KLHL32: variants seen among roughly 807,000 people sequenced by gnomAD.
KLHL32 encodes kelch like family member 32.
A neutral mutation model predicts 64.8 loss-of-function variants in KLHL32; 35 were observed. That is an observed-to-expected ratio of 0.54 (90% CI 0.41 to 0.72). The LOEUF is 0.72. Ranked by LOEUF, KLHL32 falls within the 30% of genes least tolerant of loss-of-function variation. The probability of loss-of-function intolerance (pLI) is 0.00; values close to 1 mark genes in which losing one functional copy is unlikely to be tolerated. For synonymous variants in KLHL32, 259 were observed against 281.0 expected (o/e 0.92, Z 0.78); for missense variants, 589 against 768.5 (o/e 0.77, Z 2.76).
chr6:97,130,980 A>G (rs965931313), intron 9 of KLHL32, 31 bp downstream of exon 9: 1 of 1,587,314 alleles, frequency 6.3e-7, no homozygotes, highest in African/African-American at 1.3e-5. Context: ...AAATCAGGAA[A>G]AGTAGATTCA....
intron 5 of KLHL32, among the ~76,000 whole-genome samples, chr6:97,078,335 ATCTT>A (rs1282082467): frequency 7.9e-5 from 12 of 152,210 alleles, no homozygotes; most frequent in Admixed American, 7.9e-4. Context: ...TCTCCTGCCT[ATCTT>A]TATCTATAGT....
chr6:97,113,741 T>G (rs764294585), intron 6 of KLHL32, 42 bp from the exon 7 acceptor site: 1 of 1,588,522 alleles, frequency 6.3e-7, no homozygotes, highest in Admixed American at 1.7e-5. Flanking sequence ...TCTTTCTTTC[T>G]TACCTTTGTG....
intron 1 of KLHL32, among the ~76,000 whole-genome samples, chr6:96,955,322 G>T (rs970571788): frequency 6.6e-6 from 1 of 152,058 alleles, no homozygotes; most frequent in African/African-American, 2.4e-5. Context: ...TGCCAGGTTG[G>T]AATTTGCCTT....
intron 1 of KLHL32, among the ~76,000 whole-genome samples, chr6:96,956,250 G>T (rs1773262936): frequency 6.6e-6 from 1 of 152,156 alleles, no homozygotes; most frequent in Admixed American, 6.5e-5. Flanking sequence ...TGAGATTTGG[G>T]TGGGGAAACA....
chr6:97,090,202 G>T (rs1794034053), intron 6 of KLHL32, among the ~76,000 whole-genome samples: 1 of 152,084 alleles, frequency 6.6e-6, no homozygotes, highest in Non-Finnish European at 1.5e-5. Context: ...GTATTGAATG[G>T]ATAATAAGAC....
chr6:96,902,331 T>G, the KLHL32 span, among the ~76,000 whole-genome samples: 1 of 152,244 alleles, frequency 6.6e-6, no homozygotes. Flanking sequence ...TGGTTTTGAT[T>G]TGCATTTCTC....
chr6:97,026,627 G>C (rs76933782), intron 3 of KLHL32, among the ~76,000 whole-genome samples: 2 of 152,122 alleles, frequency 1.3e-5, no homozygotes, highest in Admixed American at 1.3e-4. Context: ...TCGAAGGGAG[G>C]GTCCACACCT....
intron 4 of KLHL32, among the ~76,000 whole-genome samples, chr6:97,053,732 T>G (rs1042666776): frequency 7.9e-5 from 12 of 151,904 alleles, no homozygotes; most frequent in Non-Finnish European, 1.5e-4. Flanking sequence ...TTTTTTAATT[T>G]ATATACTATG....
chr6:97,046,428 G>C (rs963383709), intron 4 of KLHL32, among the ~76,000 whole-genome samples: 1 of 152,090 alleles, frequency 6.6e-6, no homozygotes, highest in South Asian at 2.1e-4. Context: ...ATACTTTGTT[G>C]AAGGAGGCAG....
the KLHL32 span, among the ~76,000 whole-genome samples, chr6:96,916,251 G>A: frequency 6.6e-6 from 1 of 152,180 alleles, no homozygotes; most frequent in Non-Finnish European, 1.5e-5. Flanking sequence ...ATGGCTGCTA[G>A]GATTGGCCAA....
At chr6:96,931,259 C>CAGGG (rs1769849488) in intron 1 of KLHL32, among the ~76,000 whole-genome samples, 1 of 152,188 alleles carries the variant, frequency 6.6e-6, no homozygotes, top group African/African-American at 2.4e-5. Context: ...TTCCCACCAG[C>CAGGG]AACTCCTTCT....
Position 97,057,972 on chromosome 6 carries a change from A to C in KLHL32, c.313-6656A>C, listed in dbSNP as rs1377512023. 3.9e-5 allele frequency among the ~76,000 whole-genome samples: 6 copies of C among 152,282 alleles called. No individual in the cohort carries two copies. The East Asian group carries it at 1.2e-3, about 29-fold the overall frequency. On this transcript the variant is annotated intron_variant, in intron 4 of 10. Coordinates refer to ENST00000369261, the MANE Select transcript of KLHL32 (RefSeq NM_052904.4). ...ATTTTTGTATGTGAGTGTCCAATTA[A>C]TCTAGCCCCATTCTTGAAAAGACTA... is the stretch of plus-strand genomic sequence containing the variant.
chr6:97,063,591 C>A (rs1269200146), intron 4 of KLHL32, among the ~76,000 whole-genome samples: 1 of 152,140 alleles, frequency 6.6e-6, no homozygotes, highest in Non-Finnish European at 1.5e-5. Flanking sequence ...GAGAAAGGAG[C>A]GTGCTGAAGT....
rs1156821017 is a variant in KLHL32 at position 96,987,497 on chromosome 6, G to T, written c.204+11320G>T. ...AACATTCCATGCTTATGGGTAGGAA[G>T]AATCAATATCATGAAAATGGCCATA... On this transcript the variant is annotated intron_variant, in intron 3 of 10. Transcript: ENST00000369261. Among the ~76,000 whole-genome samples the T allele has an allele frequency of 2.6e-5, 4 of 152,172 alleles. No individual in the cohort carries two copies. In the East Asian group the frequency reaches 7.7e-4, roughly 29 times the overall value.
At chr6:96,975,917 G>A (rs758639485) in intron 2 of KLHL32, 80 bp from the exon 3 acceptor site, 10 of 1,173,888 alleles carry the variant, frequency 8.5e-6, no homozygotes, top group South Asian at 7.2e-5. Flanking sequence ...TGCCTCAGTC[G>A]ATGTTCAAGG....
chr6:97,099,804 G>A (rs1223346768), intron 6 of KLHL32, among the ~76,000 whole-genome samples: 1 of 151,720 alleles, frequency 6.6e-6, no homozygotes, highest in Admixed American at 6.6e-5. Flanking sequence ...AATGATCCTT[G>A]TGGAACCCAA....
intron 3 of KLHL32, among the ~76,000 whole-genome samples, chr6:97,003,790 C>T (rs1333569257): frequency 6.6e-6 from 1 of 152,092 alleles, no homozygotes; most frequent in African/African-American, 2.4e-5. Context: ...TAACAAAGAT[C>T]AGATGGTTGT....
chr6:97,125,759 A>G (rs1159233519), intron 7 of KLHL32, among the ~76,000 whole-genome samples: 1 of 152,170 alleles, frequency 6.6e-6, no homozygotes, highest in African/African-American at 2.4e-5. Flanking sequence ...CTGGGCAACA[A>G]AAGCGAGACT....
chr6:96,984,568 G>A (rs1175820945), intron 3 of KLHL32, among the ~76,000 whole-genome samples: 1 of 152,102 alleles, frequency 6.6e-6, no homozygotes, highest in Non-Finnish European at 1.5e-5. Flanking sequence ...TCCTGTATTG[G>A]GTGCATATAT....
Sources: gnomAD v4.1 joint callset for allele counts (sites outside exome capture counted in the v4.1 genomes callset) on GRCh38, gnomAD v4.1.1 for gene constraint, MANE v1.5 for transcripts, NCBI Gene and HGNC (gene_info 2026-07-23, HGNC 2026-07-21) for gene names.